Variants in SNRPB observed in about 807,000 individuals in gnomAD.
SNRPB encodes small nuclear ribonucleoprotein polypeptides B and B1.
SNRPB carries 5 observed loss-of-function variants against 26.6 expected under a neutral mutation model. The ratio of observed to expected loss-of-function variants is 0.19; its 90% CI spans 0.10 to 0.39. The LOEUF (loss-of-function observed/expected upper bound fraction) is 0.39. Among genes scored for constraint, SNRPB ranks in the 10% least tolerant of loss-of-function variants. The pLI, the probability that SNRPB is intolerant of heterozygous loss-of-function variation, is 1.00. For synonymous variants in SNRPB, 122 were observed against 105.8 expected, an observed-to-expected ratio of 1.15 and a Z score of -0.94; for missense variants, 211 against 311.9, an observed-to-expected ratio of 0.68 and a Z score of 2.44.
At chr20:2,468,790 G>A (rs2085090950) in intron 1 of SNRPB, among the ~76,000 whole-genome samples, 2 of 152,200 alleles carry the variant, frequency 1.3e-5, no homozygotes, top group Admixed American at 6.5e-5. Context: ...GCCACACGTG[G>A]TGGCAGGTGC....
At position 2,462,714 on chromosome 20, in the gene SNRPB, T is replaced by G; in HGVS notation, c.607A>C (p.Met203Leu). The G allele has an allele frequency of 6.3e-7, 1 of 1,584,754 alleles. No homozygotes were observed. Among genetic ancestry groups the G allele is most frequent in the Non-Finnish European group, 8.6e-7 (1 of 1,158,540 alleles). ...PGMRPPMGPP[M>L]GIPPGRGTPM... is the part of the protein sequence containing the mutation. ...GTCCCTCTTCCAGGGGGGATCCCCA[T>G]TGGGGGACCCATAGGAGGTCTCATA... Residue 203 changes from methionine to leucine, a missense_variant, in exon 6 of 7, where the codon ATG becomes CTG. By Grantham distance (15) the Met-to-Leu change is conservative. Coordinates refer to ENST00000381342, the MANE Select transcript of SNRPB (RefSeq NM_003091.4).
chr20:2,467,426 C>T lies in SNRPB; in HGVS notation c.155+181G>A, dbSNP rs116540968. ...ACTTGTACTTTGCTAGACTAGAGAG[C>T]AAGGTTTGCTGGACTCAAAAAGATT... is the stretch of plus-strand genomic sequence containing the variant. On this transcript the variant is annotated intron_variant, in intron 2 of 6. Coordinates refer to ENST00000381342, the MANE Select transcript of SNRPB (RefSeq NM_003091.4). The T allele has an allele frequency of 2.1e-3, 1,388 of 655,518 alleles. 14 individuals are homozygous for T. Among genetic ancestry groups the T allele is most frequent in the African/African-American group, 0.016 (906 of 55,054 alleles). 40.6% of individuals were successfully genotyped at this position (655,518 alleles called of 1,614,324 possible). A position where few individuals can be genotyped will look rare whatever the true frequency, so the allele number is the denominator to read the frequency against.
chr20:2,467,551 A>T (rs1600001203), intron 2 of SNRPB, 56 bp downstream of exon 2: 1 of 1,549,152 alleles, frequency 6.5e-7, no homozygotes, highest in South Asian at 1.1e-5. Context: ...TGCTTGGCCC[A>T]CCCACTCAAT....
Position 2,463,340 on chromosome 20 carries a change from T to C in SNRPB, c.421-113A>G. ...AAATAACAGACACCAAATCCCTTAA[T>C]GCTACAACTCTCAGCACCAGACTTC... On this transcript the variant is annotated intron_variant, in intron 4 of 6. Transcript: ENST00000381342. This position sits in a 1 kb window ranked among gnomAD's most constrained non-coding sequence, Gnocchi z 5.0. 1.2e-6 allele frequency: 1 copy of C among 805,176 alleles called. No homozygotes were observed. The highest frequency in any genetic ancestry group is 1.4e-5 in the South Asian group (1 of 69,550). The allele number at this position is 805,176 out of a possible 1,614,324, so 49.9% of individuals were successfully genotyped here. A position where few individuals can be genotyped will look rare whatever the true frequency, so the allele number is the denominator to read the frequency against.
chr20:2,468,787 G>A (rs1248068261), intron 1 of SNRPB, among the ~76,000 whole-genome samples: 1 of 152,162 alleles, frequency 6.6e-6, no homozygotes, highest in African/African-American at 2.4e-5. Flanking sequence ...TTAGCCACAC[G>A]TGGTGGCAGG....
intron 2 of SNRPB, 30 bp downstream of exon 2, chr20:2,467,577 A>AGTC: frequency 6.2e-7 from 1 of 1,606,264 alleles, no homozygotes; most frequent in Non-Finnish European, 8.5e-7. Flanking sequence ...CCCATCCTCC[A>AGTC]GTCTCCGCCC....
intron 1 of SNRPB, among the ~76,000 whole-genome samples, chr20:2,469,482 A>C (rs1446535259): frequency 2.0e-5 from 3 of 152,136 alleles, no homozygotes; most frequent in Non-Finnish European, 4.4e-5. Flanking sequence ...AACTGAGGTC[A>C]GGAGTTCGAG....
At chr20:2,470,558 C>A in intron 1 of SNRPB, 130 bp downstream of exon 1, 5 of 1,116,714 alleles carry the variant, frequency 4.5e-6, no homozygotes, top group Non-Finnish European at 6.6e-6. Flanking sequence ...CCGCCCAGAC[C>A]GAGCGGCCTC....
intron 5 of SNRPB, 149 bp from the exon 6 acceptor site, chr20:2,462,910 C>G (rs956944780): frequency 5.4e-6 from 5 of 934,490 alleles, no homozygotes; most frequent in Non-Finnish European, 8.1e-6. Flanking sequence ...GAGCCTAACA[C>G]CCAGGGCTCC....
chr20:2,465,634 A>C, intron 3 of SNRPB, 74 bp downstream of exon 3: 1 of 1,014,320 alleles, frequency 9.9e-7, no homozygotes, highest in South Asian at 1.4e-5. Context: ...AACTGCAATG[A>C]AACAGAATCT....
chr20:2,462,037 G>C (rs1254200228), intron 6 of SNRPB, 98 bp from the exon 7 acceptor site: 2 of 818,020 alleles, frequency 2.4e-6, no homozygotes, highest in Non-Finnish European at 4.1e-6. Flanking sequence ...CGAGTGAGGA[G>C]AGGGGTATAC....
intron 1 of SNRPB, 75 bp from the exon 2 acceptor site, chr20:2,467,833 C>T (rs2085084785): frequency 7.1e-7 from 1 of 1,403,176 alleles, no homozygotes; most frequent in Non-Finnish European, 9.9e-7. Flanking sequence ...CCAAAACTTC[C>T]CATGGCGTTC....
chr20:2,465,834 A>G lies in SNRPB; in HGVS notation c.156-15T>C. ...AGTTCTTTGGCCTAAAGAGAGGTTT[A>G]GAAGGAACAAAAAAAGTGTTAGAGG... is the stretch of plus-strand genomic sequence containing the variant. On this transcript the variant is annotated splice_polypyrimidine_tract_variant and intron_variant, in intron 2 of 6. Coordinates refer to ENST00000381342, the MANE Select transcript of SNRPB (RefSeq NM_003091.4). 1.9e-6 allele frequency: 3 copies of G among 1,605,896 alleles called. No homozygotes were observed. The highest frequency in any genetic ancestry group is 1.7e-6 in the Non-Finnish European group (2 of 1,172,810).
At chr20:2,468,219 C>G (rs1158223094) in intron 1 of SNRPB, among the ~76,000 whole-genome samples, 3 of 152,184 alleles carry the variant, frequency 2.0e-5, no homozygotes, top group African/African-American at 7.2e-5. Flanking sequence ...AGCTTGTTAT[C>G]AGGAAGGAGA....
rs533505251 is a variant in SNRPB, at chr20:2,464,038, T to G, written c.268-139A>C. The G allele has an allele frequency of 1.9e-4, 136 of 724,974 alleles. 1 individual carries two copies. In the African/African-American group the frequency reaches 2.3e-3, roughly 12 times the overall value. 44.9% of individuals were successfully genotyped at this position (724,974 alleles called of 1,614,324 possible). Reference sequence around the variant, plus strand: ...AGCTTATAAATACTACCTCTCCATGTGTGCCAACACCATTCTTCCTCCATC... The same window carrying G: ...AGCTTATAAATACTACCTCTCCATGGGTGCCAACACCATTCTTCCTCCATC... On this transcript the variant is annotated intron_variant, in intron 3 of 6. Coordinates refer to ENST00000381342, the MANE Select transcript of SNRPB (RefSeq NM_003091.4).
In SNRPB at chr20:2,463,655, T is replaced by G. The variant is rs892619635; in HGVS notation, c.420+92A>C. 4 of 868,092 alleles carry G rather than the reference T, an allele frequency of 4.6e-6. No individual in the cohort carries two copies. The Admixed American group carries it at 1.0e-4, about 22-fold the overall frequency. The allele number at this position is 868,092 out of a possible 1,614,324, so 53.8% of individuals were successfully genotyped here. ...CACTGATAGTCTGACAATCACAGGT[T>G]GGTCACTCTGGACCCTTTTAAAACT... On this transcript the variant is annotated intron_variant, in intron 4 of 6. Transcript: ENST00000381342. This position sits in a 1 kb window ranked among gnomAD's most constrained non-coding sequence, Gnocchi z 5.0.
intron 3 of SNRPB, among the ~76,000 whole-genome samples, chr20:2,464,195 G>T (rs145824753): frequency 1.3e-5 from 2 of 152,296 alleles, no homozygotes; most frequent in African/African-American, 4.8e-5. Flanking sequence ...TTCCACTCAG[G>T]GTTCAGCAGG....
chr20:2,470,548 C>A, intron 1 of SNRPB, 140 bp downstream of exon 1: 4 of 1,017,116 alleles, frequency 3.9e-6, no homozygotes, highest in Non-Finnish European at 5.9e-6. Flanking sequence ...CTGGTCTTTC[C>A]CGCCCAGACC....
chr20:2,461,742 G>A lies in SNRPB; in HGVS notation c.*187C>T, dbSNP rs1225957763. 9.5e-6 allele frequency: 15 copies of A among 1,578,200 alleles called. No individual in the cohort carries two copies. The highest frequency in any genetic ancestry group is 1.0e-5 in the Non-Finnish European group (12 of 1,160,770). On this transcript the variant is annotated 3_prime_UTR_variant, in exon 7 of 7. Transcript: ENST00000381342. The stretch of plus-strand genomic sequence containing the variant: ...CGGGAAACAGGCAGGGAGCTGAGGA[G>A]GGCCAAGATGAGTCTAGGGCCTTGG...
Sources: gnomAD v4.1 joint callset for allele counts (sites outside exome capture counted in the v4.1 genomes callset) on GRCh38, gnomAD v4.1.1 for gene constraint, Gnocchi (gnomAD v3.1) non-coding constraint, MANE v1.5 for transcripts, NCBI Gene and HGNC (gene_info 2026-07-23, HGNC 2026-07-21) for gene names.